The following ASCC1 variants were observed in gnomAD, a reference collection of about 807,000 sequenced individuals.
ASCC1 encodes the protein activating signal cointegrator 1 complex subunit 1.
Under a neutral mutation model 46.6 loss-of-function variants are expected in ASCC1, and 35 were observed. The ratio of observed to expected loss-of-function variants is 0.75; its 90% CI spans 0.57 to 0.99. ASCC1 has a LOEUF of 0.99. Ranked by LOEUF, ASCC1 falls within the 50% of genes least tolerant of loss-of-function variation. ASCC1 has a pLI of 0.00. For missense variants in ASCC1, 376 were observed against 428.7 expected, an observed-to-expected ratio of 0.88 and a Z score of 1.09; for synonymous variants, 143 against 146.6, an observed-to-expected ratio of 0.98 and a Z score of 0.18.
rs1459709331 is a variant in ASCC1 at position 72,128,158 on chromosome 10, C to G, written c.881G>C (p.Arg294Thr). Residue 294 changes from arginine to threonine, a missense_variant, in exon 9 of 10, where the codon AGG becomes ACG. Coordinates refer to ENST00000672957, the MANE Select transcript of ASCC1 (RefSeq NM_001198800.3). The part of the protein sequence containing the change: ...LFRKDPNAEG[R>T]YNLYTAEGKY... Reference sequence around the variant, plus strand: ...GCCTTCCGCTGTGTAGAGATTGTACCTGCCTTCAGCTGTAAATATTCCAAA... The same window carrying G: ...GCCTTCCGCTGTGTAGAGATTGTACGTGCCTTCAGCTGTAAATATTCCAAA... 1 of 1,612,506 alleles carries G rather than the reference C, an allele frequency of 6.2e-7. No individual in the cohort carries two copies. The highest frequency in any genetic ancestry group is 1.7e-5 in the Admixed American group (1 of 60,014).
chr10:72,155,894 C>T (rs1848899672), intron 6 of ASCC1, among the ~76,000 whole-genome samples: 1 of 152,206 alleles, frequency 6.6e-6, no homozygotes, highest in Admixed American at 6.5e-5. Flanking sequence ...AATCTCACAC[C>T]ATGACTTATA....
At position 72,152,864 on chromosome 10, in the gene ASCC1, T is replaced by C. The variant is rs1290644219; in HGVS notation, c.746+5A>G. On this transcript the variant is annotated splice_donor_5th_base_variant and intron_variant, in intron 7 of 9. Transcript: ENST00000672957. ...TTGAAACAAAGAAGCATTCCAGAAA[T>C]ATACCTGTTGGAGCCATCTTTCATA... The C allele has an allele frequency of 6.2e-7, 1 of 1,613,946 alleles. No homozygotes were observed. Among genetic ancestry groups the C allele is most frequent in the African/African-American group, 1.3e-5 (1 of 74,906 alleles).
intron 7 of ASCC1, among the ~76,000 whole-genome samples, chr10:72,135,618 A>G (rs1031908574): frequency 1.3e-5 from 2 of 152,162 alleles, no homozygotes; most frequent in African/African-American, 2.4e-5. Flanking sequence ...CAGTAGTTAC[A>G]GAGTGAGGTG....
intron 7 of ASCC1, among the ~76,000 whole-genome samples, chr10:72,141,991 T>C (rs531499171): frequency 6.6e-6 from 1 of 152,326 alleles, no homozygotes; most frequent in African/African-American, 2.4e-5. Context: ...AGCTGGGGTA[T>C]TAGCCAAAAC....
intron 5 of ASCC1, among the ~76,000 whole-genome samples, chr10:72,192,552 G>A (rs1390983055): frequency 6.6e-6 from 1 of 152,150 alleles, no homozygotes; most frequent in East Asian, 1.9e-4. Flanking sequence ...GGAGTGCAGT[G>A]GCACCATCTT....
intron 9 of ASCC1, among the ~76,000 whole-genome samples, chr10:72,109,261 T>C (rs947078958): frequency 5.9e-5 from 9 of 152,118 alleles, no homozygotes; most frequent in Non-Finnish European, 8.8e-5. Context: ...GGCTGTTAAG[T>C]CAGTAGAACA....
intron 6 of ASCC1, among the ~76,000 whole-genome samples, chr10:72,154,649 G>A (rs7903371): frequency 0.36 from 55,374 of 151,866 alleles, 11,365 homozygotes; most frequent in Non-Finnish European, 0.47. Context: ...GTGCCACCAT[G>A]TCTGGCTAAT....
At chr10:72,213,353 T>C in intron 1 of ASCC1, 22 bp from the exon 2 acceptor site, 1 of 1,297,286 alleles carries the variant, frequency 7.7e-7, no homozygotes, top group Non-Finnish European at 1.1e-6. Flanking sequence ...AATTACCATC[T>C]TACCTTTCTT....
intron 5 of ASCC1, among the ~76,000 whole-genome samples, chr10:72,167,401 G>C (rs2132774210): frequency 6.6e-6 from 1 of 152,270 alleles, no homozygotes; most frequent in Non-Finnish European, 1.5e-5. Flanking sequence ...GTCCAGAAAG[G>C]ACAAATCTAA....
chr10:72,143,581 AT>A (rs1422553435), intron 7 of ASCC1, among the ~76,000 whole-genome samples: 1 of 149,054 alleles, frequency 6.7e-6, no homozygotes, highest in Non-Finnish European at 1.5e-5. Context: ...AATATGCAAG[AT>A]ACCAACTCAT....
At chr10:72,109,703 G>A (rs1044389096) in intron 9 of ASCC1, among the ~76,000 whole-genome samples, 1 of 152,176 alleles carries the variant, frequency 6.6e-6, no homozygotes, top group African/African-American at 2.4e-5. Context: ...CAAACAGGAT[G>A]CCAGGCAGTT....
At chr10:72,183,178 G>A (rs921065033) in intron 5 of ASCC1, among the ~76,000 whole-genome samples, 4 of 151,716 alleles carry the variant, frequency 2.6e-5, no homozygotes, top group Non-Finnish European at 5.9e-5. Flanking sequence ...TGAGTAGCTG[G>A]GATTACGGGC....
chr10:72,139,340 TC>T (rs530497358), intron 7 of ASCC1, among the ~76,000 whole-genome samples: 64 of 151,902 alleles, frequency 4.2e-4, no homozygotes, highest in African/African-American at 1.4e-3. Flanking sequence ...GGTCTCGATC[TC>T]CTGACCTCGT....
At position 72,210,404 on chromosome 10, in the gene ASCC1, CCCGCCT is replaced by C. The variant is rs1247398207; in HGVS notation, c.212+322_212+327del. On this transcript the variant is annotated intron_variant, in intron 3 of 9. Coordinates refer to ENST00000672957, the MANE Select transcript of ASCC1 (RefSeq NM_001198800.3). ...TGAACTTCTGACTTCAGGTGATCCA[CCCGCCT>C]CAGCCTCCCGAAGTGCTGGGATTAC... 2.0e-5 allele frequency among the ~76,000 whole-genome samples: 3 copies of C among 152,230 alleles called. No individual in the cohort carries two copies. The East Asian group carries it at 5.8e-4, about 29-fold the overall frequency.
chr10:72,162,712 G>A (rs1209115015), intron 5 of ASCC1, among the ~76,000 whole-genome samples: 2 of 152,030 alleles, frequency 1.3e-5, no homozygotes, highest in East Asian at 3.9e-4. Flanking sequence ...GGAGGCTGAG[G>A]CGGGTGGATC....
At chr10:72,130,446 C>G (rs1845456094) in intron 8 of ASCC1, among the ~76,000 whole-genome samples, 1 of 152,164 alleles carries the variant, frequency 6.6e-6, no homozygotes, top group Non-Finnish European at 1.5e-5. Context: ...GATAACTAGA[C>G]TGTAAACACA....
At chr10:72,161,515 C>A (rs1475849969) in intron 6 of ASCC1, 23 bp downstream of exon 6, 1 of 1,613,940 alleles carries the variant, frequency 6.2e-7, no homozygotes, top group East Asian at 2.2e-5. Flanking sequence ...ACCACCCAAC[C>A]CCCATCCCTG....
At chr10:72,140,508 T>C (rs568434919) in intron 7 of ASCC1, among the ~76,000 whole-genome samples, 1 of 152,364 alleles carries the variant, frequency 6.6e-6, no homozygotes, top group African/African-American at 2.4e-5. Context: ...GATGTAGTAG[T>C]GTTTCATAAT....
At chr10:72,192,744 T>C (rs1854738697) in intron 5 of ASCC1, among the ~76,000 whole-genome samples, 1 of 152,084 alleles carries the variant, frequency 6.6e-6, no homozygotes, top group Non-Finnish European at 1.5e-5. Context: ...TCCACCCACC[T>C]CCATCTCCCA....
Sources: allele counts gnomAD v4.1 joint callset (sites outside exome capture counted in the v4.1 genomes callset), GRCh38; gene constraint gnomAD v4.1.1; transcripts MANE v1.5; gene names NCBI Gene and HGNC (gene_info 2026-07-23, HGNC 2026-07-21).